The following RTTN variants were observed in gnomAD, a reference collection of about 807,000 sequenced individuals.
The protein encoded by RTTN is rotatin.
In RTTN, 182 loss-of-function variants were observed where a neutral mutation model predicts 269.2. The ratio of observed to expected loss-of-function variants is 0.68; its 90% CI spans 0.60 to 0.76. The LOEUF is 0.76. Among genes scored for constraint, RTTN ranks in the 30% least tolerant of loss-of-function variants. RTTN has a pLI of 0.00. For synonymous variants in RTTN, 1,006 were observed against 963.5 expected (o/e 1.04, Z -0.82); for missense variants, 2,545 against 2,608.6 (o/e 0.98, Z 0.53).
At chr18:70,203,166 T>G (rs1189667432) in intron 3 of RTTN, among the ~76,000 whole-genome samples, 1 of 152,074 alleles carries the variant, frequency 6.6e-6, no homozygotes, top group East Asian at 1.9e-4. Context: ...ACAGACATTG[T>G]CTCATCTAAT....
chr18:70,182,362 T>C (rs1187587868), intron 10 of RTTN, among the ~76,000 whole-genome samples: 2 of 152,144 alleles, frequency 1.3e-5, no homozygotes, highest in East Asian at 3.9e-4. Context: ...TGTAACAATG[T>C]TTAATTAAAT....
intron 8 of RTTN, among the ~76,000 whole-genome samples, chr18:70,192,580 C>T (rs1386855973): frequency 6.7e-6 from 1 of 150,012 alleles, no homozygotes; most frequent in Non-Finnish European, 1.5e-5. Context: ...ACTCAGGAGG[C>T]TGAGGCGAAA....
chr18:70,038,948 C>T (rs2057257528), intron 40 of RTTN, among the ~76,000 whole-genome samples: 1 of 152,014 alleles, frequency 6.6e-6, no homozygotes, highest in East Asian at 1.9e-4. Flanking sequence ...CTGACAAATA[C>T]ATCAGTCTCA....
chr18:70,115,407 T>C (rs1481804402), intron 26 of RTTN, among the ~76,000 whole-genome samples: 3 of 151,746 alleles, frequency 2.0e-5, no homozygotes, highest in Admixed American at 1.3e-4. Flanking sequence ...GATAAAGGAA[T>C]ATAAGAGGAT....
intron 16 of RTTN, among the ~76,000 whole-genome samples, chr18:70,149,409 G>A (rs975697302): frequency 1.3e-5 from 2 of 152,048 alleles, no homozygotes; most frequent in Non-Finnish European, 2.9e-5. Context: ...GAATCTGTGA[G>A]TCTCAAGGCA....
At position 70,003,077 on chromosome 18, in the gene RTTN, C is replaced by T. The variant is rs1470592803; in HGVS notation, c.*1074G>A. 2 of 130,740 alleles carry T rather than the reference C, an allele frequency of 1.5e-5. No homozygotes were observed. The highest frequency in any genetic ancestry group is 2.6e-4 in the South Asian group (1 of 3,822). 8.1% of individuals were successfully genotyped at this position (130,740 alleles called of 1,614,324 possible). A position where few individuals can be genotyped will look rare whatever the true frequency, so the allele number is the denominator to read the frequency against. On this transcript the variant is annotated 3_prime_UTR_variant, in exon 49 of 49. Coordinates refer to ENST00000640769, the MANE Select transcript of RTTN (RefSeq NM_173630.4). ...TTTGAGACAGAGTCTTGCTTTGTCACCCACGCTGGAATGCAGTGGCATGAT... is the reference window on the plus strand; with the variant it reads ...TTTGAGACAGAGTCTTGCTTTGTCATCCACGCTGGAATGCAGTGGCATGAT...
intron 20 of RTTN, 135 bp from the exon 21 acceptor site, chr18:70,139,851 C>G: frequency 1.5e-6 from 1 of 647,084 alleles, no homozygotes; most frequent in Non-Finnish European, 2.7e-6. Context: ...TAAATAAATA[C>G]TAGGAATTAC....
chr18:70,027,936 A>G (rs2056899095), intron 43 of RTTN, among the ~76,000 whole-genome samples: 1 of 152,194 alleles, frequency 6.6e-6, no homozygotes, highest in Non-Finnish European at 1.5e-5. Flanking sequence ...CACAAGTAAG[A>G]GCAAAACAGG....
intron 23 of RTTN, chr18:70,131,130 G>GA (rs1181766177): frequency 1.0e-5 from 1 of 99,456 alleles, no homozygotes; most frequent in Non-Finnish European, 2.0e-5. Context: ...TTTTAAAACA[G>GA]AAAGAATTTT....
intron 28 of RTTN, among the ~76,000 whole-genome samples, chr18:70,103,517 G>A (rs1010253017): frequency 6.6e-6 from 1 of 151,980 alleles, no homozygotes; most frequent in Non-Finnish European, 1.5e-5. Flanking sequence ...TGGATTAAGG[G>A]CGGTGCAAGA....
At chr18:70,075,884 T>C (rs1474692066) in intron 32 of RTTN, among the ~76,000 whole-genome samples, 2 of 152,048 alleles carry the variant, frequency 1.3e-5, no homozygotes, top group African/African-American at 4.8e-5. Context: ...AACCTACATA[T>C]AATAGTAAAA....
chr18:70,191,966 C>T (rs2061682260), intron 8 of RTTN, among the ~76,000 whole-genome samples: 1 of 152,162 alleles, frequency 6.6e-6, no homozygotes, highest in Non-Finnish European at 1.5e-5. Context: ...GAACAACCAA[C>T]TACAATATAA....
chr18:70,112,658 T>TAAAGCACCCA (rs2059502834), intron 27 of RTTN, among the ~76,000 whole-genome samples: 1 of 151,976 alleles, frequency 6.6e-6, no homozygotes. Flanking sequence ...AGCACCCAGA[T>TAAAGCACCCA]TCATAAAGCA....
intron 30 of RTTN, among the ~76,000 whole-genome samples, chr18:70,090,622 G>T (rs1293775677): frequency 2.6e-5 from 4 of 152,126 alleles, no homozygotes; most frequent in African/African-American, 9.7e-5. Context: ...TCAATGAAAA[G>T]AATGACCCAA....
At chr18:70,170,989 A>G (rs890018819) in intron 11 of RTTN, among the ~76,000 whole-genome samples, 4 of 152,306 alleles carry the variant, frequency 2.6e-5, no homozygotes, top group Non-Finnish European at 2.9e-5. Flanking sequence ...AGGCAAGACT[A>G]TAGGAAGAAC....
intron 35 of RTTN, among the ~76,000 whole-genome samples, chr18:70,062,512 CATAAACT>C (rs1440501178): frequency 6.6e-6 from 1 of 151,924 alleles, no homozygotes; most frequent in African/African-American, 2.4e-5. Flanking sequence ...CTGTAAATAT[CATAAACT>C]ATAAATACTC....
intron 17 of RTTN, among the ~76,000 whole-genome samples, chr18:70,147,819 C>T (rs192469571): frequency 2.0e-5 from 3 of 152,176 alleles, no homozygotes; most frequent in Non-Finnish European, 4.4e-5. Flanking sequence ...GAAAAACAAA[C>T]AAGAAATGCC....
chr18:70,057,515 T>C (rs1195830040), intron 37 of RTTN, among the ~76,000 whole-genome samples: 3 of 152,232 alleles, frequency 2.0e-5, no homozygotes, highest in African/African-American at 7.2e-5. Context: ...AGCTGGTTAA[T>C]GATGGAGTCA....
intron 32 of RTTN, 76 bp from the exon 33 acceptor site, chr18:70,075,617 C>G: frequency 8.3e-7 from 1 of 1,200,276 alleles, no homozygotes; most frequent in Non-Finnish European, 1.1e-6. Context: ...ATTGTCTCCT[C>G]TCGAGGAAAC....
Sources: allele counts gnomAD v4.1 joint callset (sites outside exome capture counted in the v4.1 genomes callset), GRCh38; gene constraint gnomAD v4.1.1; transcripts MANE v1.5; gene names NCBI Gene and HGNC (gene_info 2026-07-23, HGNC 2026-07-21).